Variants in OPHN1 observed in about 807,000 individuals in gnomAD.
The protein encoded by OPHN1 is oligophrenin 1, also known as oligophrenin-1.
A neutral mutation model predicts 60.7 loss-of-function variants in OPHN1; 11 were observed. The ratio of observed to expected loss-of-function variants is 0.18; its 90% CI spans 0.11 to 0.30. The LOEUF (loss-of-function observed/expected upper bound fraction) is 0.30, where lower values mean the gene tolerates loss of function less well. OPHN1 is among the 10% of genes least tolerant of loss of function. The pLI is 1.00. For missense variants in OPHN1, 449 were observed against 611.0 expected, an observed-to-expected ratio of 0.73 and a Z score of 2.80; for synonymous variants, 226 against 222.6, an observed-to-expected ratio of 1.02 and a Z score of -0.14.
intron 6 of OPHN1, among the ~76,000 whole-genome samples, chrX:68,217,080 G>A (rs1409325759): frequency 3.6e-5 from 4 of 111,574 alleles, no homozygotes; most frequent in East Asian, 2.9e-4. Context: ...CGCACCGTGC[G>A]CGAGCCGAAG....
Position 68,247,970 on chromosome X carries a change from C to CAGTGGAGGG in OPHN1, c.385-13383_385-13382insCCCTCCACT, listed in dbSNP as rs1315824881. Among the ~76,000 whole-genome samples, 3 of 111,381 alleles carry CAGTGGAGGG rather than the reference C, an allele frequency of 2.7e-5. No homozygotes were observed. In the East Asian group the frequency reaches 8.4e-4, roughly 31 times the overall value. On this transcript the variant is annotated intron_variant, in intron 5 of 24. Coordinates refer to ENST00000355520, the MANE Select transcript of OPHN1 (RefSeq NM_002547.3). Reference sequence around the variant, plus strand: ...AGAAGGCTCCACCGATTGTCCCCCTCCACTGCAGTGACACCAAGTTAACAA... The same window carrying CAGTGGAGGG: ...AGAAGGCTCCACCGATTGTCCCCCTCAGTGGAGGGCACTGCAGTGACACCAAGTTAACAA...
intron 2 of OPHN1, among the ~76,000 whole-genome samples, chrX:68,364,598 G>A (rs2078489436): frequency 8.9e-6 from 1 of 112,045 alleles, no homozygotes; most frequent in Non-Finnish European, 1.9e-5. Flanking sequence ...GATGAAATAA[G>A]AACAGTTGAG....
chrX:68,048,619 T>A (rs1021571082), intron 23 of OPHN1, among the ~76,000 whole-genome samples, 162 bp from the exon 24 acceptor site: 4 of 112,286 alleles, frequency 3.6e-5, no homozygotes, highest in Non-Finnish European at 3.8e-5. Context: ...TCCATGCTTA[T>A]AGTTGGGGCT....
intron 10 of OPHN1, among the ~76,000 whole-genome samples, chrX:68,203,458 A>G (rs2077544484): frequency 9.0e-6 from 1 of 111,093 alleles, no homozygotes; most frequent in Admixed American, 9.6e-5. Flanking sequence ...TTGCAGGCCA[A>G]TCTTTCCTTG....
chrX:68,387,029 AC>A (rs2078627753), intron 2 of OPHN1, among the ~76,000 whole-genome samples: 2 of 85,473 alleles, frequency 2.3e-5, no homozygotes, highest in African/African-American at 2.1e-4. Flanking sequence ...TCCTTCTATC[AC>A]CCCTGTTCCC....
chrX:68,407,331 T>C (rs1424467003), intron 2 of OPHN1, among the ~76,000 whole-genome samples: 1 of 112,419 alleles, frequency 8.9e-6, no homozygotes, highest in Non-Finnish European at 1.9e-5. Flanking sequence ...TTCAGCTCAA[T>C]TTGCTCATAT....
chrX:68,319,654 C>T (rs1264130185), intron 2 of OPHN1, among the ~76,000 whole-genome samples: 6 of 109,632 alleles, frequency 5.5e-5, no homozygotes, highest in Admixed American at 9.9e-5. Flanking sequence ...GAGGATTGCT[C>T]GAGCCTGGGA....
chrX:68,331,643 A>G (rs929924851), intron 2 of OPHN1, among the ~76,000 whole-genome samples: 2 of 107,523 alleles, frequency 1.9e-5, no homozygotes, highest in African/African-American at 3.4e-5. Flanking sequence ...AAACACATGA[A>G]TCACTTGAAT....
intron 15 of OPHN1, among the ~76,000 whole-genome samples, chrX:68,178,287 A>T (rs1003488932): frequency 1.7e-4 from 19 of 112,183 alleles, no homozygotes; most frequent in African/African-American, 5.8e-4. Context: ...GGTGAAATGT[A>T]TACCTCCCCA....
intron 23 of OPHN1, among the ~76,000 whole-genome samples, chrX:68,051,986 G>A (rs924512682): frequency 8.0e-5 from 9 of 112,297 alleles, no homozygotes; most frequent in African/African-American, 2.9e-4. Flanking sequence ...GACAGAAAGA[G>A]ATTGAGAATG....
intron 2 of OPHN1, among the ~76,000 whole-genome samples, chrX:68,333,681 A>C (rs1022808469): frequency 1.5e-4 from 17 of 110,101 alleles, no homozygotes; most frequent in Non-Finnish European, 3.2e-4. Flanking sequence ...GCACACACAC[A>C]CACACAGACA....
Position 68,210,243 on chromosome X carries a change from C to T in OPHN1, c.742G>A (p.Glu248Lys). The T allele has an allele frequency of 8.3e-7, 1 of 1,207,909 alleles. No individual in the cohort carries two copies. The highest frequency in any genetic ancestry group is 1.1e-6 in the Non-Finnish European group (1 of 892,352). Reference protein sequence around the residue: ...HFSSTREEMEELKKRMKEAPQ... With the variant: ...HFSSTREEMEKLKKRMKEAPQ... ...GCTTCTTTCATCCTTTTCTTAAGTT[C>T]TTCCATCTCTTCCCGGGTACTGGAG... Residue 248 changes from glutamate to lysine, a missense_variant, in exon 9 of 25, where the codon GAA (glutamate) becomes AAA (lysine). Transcript: ENST00000355520.
chrX:68,105,330 T>C (rs1052644754), intron 18 of OPHN1, among the ~76,000 whole-genome samples: 1 of 111,200 alleles, frequency 9.0e-6, no homozygotes, highest in African/African-American at 3.3e-5. Flanking sequence ...GGATTATACA[T>C]CATTCTACTA....
At chrX:68,304,792 G>A (rs1325832860) in intron 2 of OPHN1, among the ~76,000 whole-genome samples, 1 of 111,230 alleles carries the variant, frequency 9.0e-6, no homozygotes, top group Non-Finnish European at 1.9e-5. Context: ...AAAATCAACA[G>A]CTTAGCAGCC....
intron 15 of OPHN1, among the ~76,000 whole-genome samples, chrX:68,149,634 C>T (rs762434758): frequency 9.0e-6 from 1 of 110,988 alleles, no homozygotes; most frequent in African/African-American, 3.3e-5. Flanking sequence ...AATCAAAACA[C>T]TAGAAAATTA....
rs192049645 is a variant in OPHN1 at position 68,081,958 on chromosome X, C to T, written c.1687-8659G>A. Among the ~76,000 whole-genome samples the T allele has an allele frequency of 3.7e-3, 415 of 112,215 alleles. 8 individuals carry two copies. The highest frequency in any genetic ancestry group is 0.013 in the African/African-American group (404 of 30,921). On this transcript the variant is annotated intron_variant, in intron 19 of 24. Transcript: ENST00000355520. ...AAACCCGGCCACTGCTTTAGTAAAC[C>T]AAGTTTATGCAATATTCTAAATCCT... is the stretch of plus-strand genomic sequence containing the variant.
intron 15 of OPHN1, among the ~76,000 whole-genome samples, chrX:68,162,776 T>C (rs2077340478): frequency 9.0e-6 from 1 of 111,194 alleles, no homozygotes; most frequent in Non-Finnish European, 1.9e-5. Context: ...TTATGTTACT[T>C]AATCAAGTGA....
chrX:68,063,866 G>A lies in OPHN1; in HGVS notation c.2146C>T (p.His716Tyr), dbSNP rs1220746365. Reference sequence around the variant, plus strand: ...CCCAAGCACTTACCCTCCTTGTGGTGGGCCAGGGGCCGGGGAGCTGGTCTC... The same window carrying A: ...CCCAAGCACTTACCCTCCTTGTGGTAGGCCAGGGGCCGGGGAGCTGGTCTC... ...IKRPAPRPLAHHKEGDADSFS... is the reference protein window; with the variant it reads ...IKRPAPRPLAYHKEGDADSFS... The change falls in exon 21 of 25, where the codon CAC becomes TAC. Residue 716 changes from histidine (H) to tyrosine (Y), a missense_variant. By Grantham distance (83) the His-to-Tyr change is moderately conservative (BLOSUM62 2). This residue lies in a region of OPHN1 where 184 missense variants were observed against 160.5 expected (regional missense o/e 1.15). Transcript: ENST00000355520. The A allele has an allele frequency of 8.6e-7, 1 of 1,164,894 alleles. No homozygotes were observed. Among genetic ancestry groups the A allele is most frequent in the Admixed American group, 2.5e-5 (1 of 40,037 alleles).
In OPHN1 at chrX:68,067,848, C is replaced by T. The variant is rs763150400; in HGVS notation, c.1835-3671G>A. 3.1e-3 allele frequency among the ~76,000 whole-genome samples: 345 copies of T among 111,466 alleles called. 1 individual carries two copies. Among genetic ancestry groups the T allele is most frequent in the South Asian group, 0.029 (76 of 2,612 alleles). On this transcript the variant is annotated intron_variant, in intron 20 of 24. Transcript: ENST00000355520. ...ATGCTACTGGTGAGCAGGATTGGTT[C>T]CTTCTCAGAACAGTGTTCAGACAGG...
Sources: allele counts gnomAD v4.1 joint callset (sites outside exome capture counted in the v4.1 genomes callset), GRCh38; gene constraint gnomAD v4.1.1; regional missense constraint gnomAD v4.1.1; transcripts MANE v1.5; gene names NCBI Gene and HGNC (gene_info 2026-07-23, HGNC 2026-07-21).